The following LSAMP variants were observed in gnomAD, a reference collection of about 807,000 sequenced individuals.
The protein encoded by LSAMP is limbic system associated membrane protein, also known as limbic system-associated membrane protein.
A neutral mutation model predicts 38.6 loss-of-function variants in LSAMP; 7 were observed. The ratio of observed to expected loss-of-function variants is 0.18; its 90% CI spans 0.10 to 0.34. LSAMP has a LOEUF of 0.34. LSAMP is among the 10% of genes least tolerant of loss of function. The pLI is 1.00. For synonymous variants in LSAMP, 154 were observed against 166.8 expected (o/e 0.92, Z 0.59); for missense variants, 313 against 420.0 (o/e 0.75, Z 2.23).
rs191312643 is a variant in LSAMP at position 116,333,018 on chromosome 3, T to A, written c.155+111859A>T. On this transcript the variant is annotated intron_variant, in intron 1 of 6. Coordinates refer to ENST00000490035, the MANE Select transcript of LSAMP (RefSeq NM_002338.5). ...AAAATTACAGAATTAAAGGGAGAAA[T>A]AGACAGTATACAATAATAGTTGTAG... 3.9e-4 allele frequency among the ~76,000 whole-genome samples: 60 copies of A among 152,044 alleles called. No individual in the cohort carries two copies. The East Asian group carries it at 8.1e-3, about 21-fold the overall frequency.
At chr3:116,296,250 A>T (rs1388452358) in intron 1 of LSAMP, among the ~76,000 whole-genome samples, 2 of 152,114 alleles carry the variant, frequency 1.3e-5, no homozygotes, top group African/African-American at 2.4e-5. Flanking sequence ...TTAAACCCCA[A>T]AGGCTTTATT....
intron 5 of LSAMP, among the ~76,000 whole-genome samples, 191 bp downstream of exon 5, chr3:115,842,267 C>T (rs1413477640): frequency 6.6e-6 from 1 of 152,098 alleles, no homozygotes; most frequent in Non-Finnish European, 1.5e-5. Context: ...TATATTTTAC[C>T]TGACTGCTTT....
At chr3:115,843,688 A>AT (rs3836332) in intron 4 of LSAMP, among the ~76,000 whole-genome samples, 14 of 150,422 alleles carry the variant, frequency 9.3e-5, no homozygotes, top group East Asian at 2.0e-4. Context: ...TGTTTCTGAT[A>AT]TTTTTTTTTT....
chr3:115,857,413 A>G (rs1935541002), intron 3 of LSAMP, among the ~76,000 whole-genome samples: 1 of 152,196 alleles, frequency 6.6e-6, no homozygotes, highest in Non-Finnish European at 1.5e-5. Flanking sequence ...AAAGACTCTC[A>G]GGCCAGAAAT....
At chr3:115,933,285 T>C (rs1203931837) in intron 3 of LSAMP, among the ~76,000 whole-genome samples, 1 of 152,116 alleles carries the variant, frequency 6.6e-6, no homozygotes, top group African/African-American at 2.4e-5. Context: ...AGAGGGGAGA[T>C]ACTGGAGATT....
At chr3:116,170,354 T>C (rs896021853) in intron 1 of LSAMP, among the ~76,000 whole-genome samples, 10 of 152,204 alleles carry the variant, frequency 6.6e-5, no homozygotes, top group African/African-American at 2.2e-4. Context: ...ATATATAATG[T>C]ACTCGCTTTG....
intron 1 of LSAMP, among the ~76,000 whole-genome samples, chr3:116,437,552 G>A (rs1304938982): frequency 6.6e-6 from 1 of 151,918 alleles, no homozygotes; most frequent in African/African-American, 2.4e-5. Flanking sequence ...TCCTCCACAG[G>A]TAAATGCAGA....
intron 2 of LSAMP, among the ~76,000 whole-genome samples, chr3:116,020,643 G>A (rs772178571): frequency 3.3e-5 from 5 of 152,174 alleles, no homozygotes; most frequent in African/African-American, 9.7e-5. Flanking sequence ...CTGTACTGCC[G>A]TCTGACTTCC....
intron 1 of LSAMP, among the ~76,000 whole-genome samples, chr3:116,200,033 G>A (rs1231952878): frequency 6.6e-6 from 1 of 151,552 alleles, no homozygotes; most frequent in East Asian, 1.9e-4. Context: ...TATGGTAATA[G>A]AATAATCAAA....
rs1238878880 is a variant in LSAMP, at chr3:116,190,769, T to A, written c.156-104213A>T. Among the ~76,000 whole-genome samples, 6 of 152,212 alleles carry A rather than the reference T, an allele frequency of 3.9e-5. No homozygotes were observed. The East Asian group carries it at 1.2e-3, about 29-fold the overall frequency. ...GGTGCTAGACAATGGAGAATTACCC[T>A]TAGATGCCTTCTGAGGCCTTGGTAA... On this transcript the variant is annotated intron_variant, in intron 1 of 6. Transcript: ENST00000490035.
At chr3:116,282,973 C>T (rs1448107720) in intron 1 of LSAMP, among the ~76,000 whole-genome samples, 1 of 152,106 alleles carries the variant, frequency 6.6e-6, no homozygotes. Context: ...CTTGCCCACC[C>T]ATGACCCTAT....
chr3:115,983,793 G>A (rs1056016504), intron 3 of LSAMP, among the ~76,000 whole-genome samples: 14 of 152,078 alleles, frequency 9.2e-5, no homozygotes, highest in African/African-American at 2.9e-4. Context: ...CTTACACTGG[G>A]GCCTGCAGAA....
At chr3:116,421,871 C>T (rs539960996) in intron 1 of LSAMP, among the ~76,000 whole-genome samples, 1 of 152,238 alleles carries the variant, frequency 6.6e-6, no homozygotes, top group African/African-American at 2.4e-5. Flanking sequence ...AACAATATGG[C>T]AGTTTCTTAA....
intron 3 of LSAMP, among the ~76,000 whole-genome samples, chr3:116,001,779 C>G (rs924468667): frequency 6.6e-6 from 1 of 152,202 alleles, no homozygotes. Flanking sequence ...GCACTCTGAC[C>G]TTCCTGCTTC....
intron 1 of LSAMP, among the ~76,000 whole-genome samples, chr3:116,366,013 T>TA (rs67452614): frequency 0.14 from 4,045 of 28,570 alleles, 686 homozygotes; most frequent in Admixed American, 0.21. Flanking sequence ...TAGAGTATAA[T>TA]AAAAAAAAAA....
chr3:116,125,948 G>T (rs1416049389), intron 1 of LSAMP, among the ~76,000 whole-genome samples: 1 of 152,106 alleles, frequency 6.6e-6, no homozygotes, highest in East Asian at 1.9e-4. Flanking sequence ...ATATCACTGT[G>T]GAAAAAGAAA....
At chr3:116,414,056 T>G (rs926718855) in intron 1 of LSAMP, among the ~76,000 whole-genome samples, 2 of 152,040 alleles carry the variant, frequency 1.3e-5, no homozygotes, top group East Asian at 1.9e-4. Flanking sequence ...AATATCCAAT[T>G]GAAGGAATGG....
At chr3:116,367,477 T>C (rs1236824449) in intron 1 of LSAMP, among the ~76,000 whole-genome samples, 4 of 151,254 alleles carry the variant, frequency 2.6e-5, no homozygotes, top group Non-Finnish European at 5.9e-5. Context: ...CTTTCTCTTC[T>C]TTACATTTAT....
In LSAMP at chr3:115,841,986, T is replaced by C. The variant is rs752959277; in HGVS notation, c.778A>G (p.Ser260Gly). 3 of 1,610,566 alleles carry C rather than the reference T, an allele frequency of 1.9e-6. No homozygotes were observed. In the East Asian group the frequency reaches 6.7e-5, roughly 36 times the overall value. ...EWYRDDTRINSANGLEIKSTE... is the reference protein window; with the variant it reads ...EWYRDDTRINGANGLEIKSTE... ...CTCTTAATCTCAAGGCCATTGGCACTATTTATCCTAAGAGTTCAAAAACAG... is the reference window on the plus strand; with the variant it reads ...CTCTTAATCTCAAGGCCATTGGCACCATTTATCCTAAGAGTTCAAAAACAG... Residue 260 changes from serine to glycine, a missense_variant, in exon 6 of 7, where the codon AGT (serine) becomes GGT (glycine). Physicochemically the swap from Ser to Gly is moderately conservative, Grantham distance 56. Coordinates refer to ENST00000490035, the MANE Select transcript of LSAMP (RefSeq NM_002338.5).
Sources: allele counts gnomAD v4.1 joint callset (sites outside exome capture counted in the v4.1 genomes callset), GRCh38; gene constraint gnomAD v4.1.1; transcripts MANE v1.5; gene names NCBI Gene and HGNC (gene_info 2026-07-23, HGNC 2026-07-21).